The following KDM4C variants were observed in gnomAD, a reference collection of about 807,000 sequenced individuals.
The protein encoded by KDM4C is lysine-specific demethylase 4C.
Under a neutral mutation model 129.3 loss-of-function variants are expected in KDM4C, and 81 were observed. That is an observed-to-expected ratio of 0.63 (90% CI 0.52 to 0.75). The LOEUF is 0.75. Among genes scored for constraint, KDM4C ranks in the 30% least tolerant of loss-of-function variants. KDM4C has a pLI of 0.00. For missense variants in KDM4C, 1,457 were observed against 1,304.0 expected (o/e 1.12, Z -1.81); for synonymous variants, 573 against 456.1 (o/e 1.26, Z -3.26).
intron 2 of KDM4C, among the ~76,000 whole-genome samples, chr9:6,800,501 T>G (rs1828730012): frequency 6.6e-6 from 1 of 152,054 alleles, no homozygotes; most frequent in Admixed American, 6.5e-5. Context: ...ATCATGCCAC[T>G]ATATTCAAGC....
intron 1 of KDM4C, among the ~76,000 whole-genome samples, chr9:6,725,714 T>TTC (rs1227773986): frequency 3.5e-5 from 5 of 144,714 alleles, no homozygotes; most frequent in Non-Finnish European, 6.1e-5. Context: ...TTCTTTTCTT[T>TTC]TTTTTTTTTT....
At chr9:6,999,335 A>G (rs542927760) in intron 12 of KDM4C, among the ~76,000 whole-genome samples, 1 of 139,614 alleles carries the variant, frequency 7.2e-6, no homozygotes, top group South Asian at 2.9e-4. Flanking sequence ...CAGAAATTAC[A>G]AATTTTTTTA....
intron 19 of KDM4C, among the ~76,000 whole-genome samples, chr9:7,139,847 C>G (rs1371907973): frequency 6.6e-6 from 1 of 152,002 alleles, no homozygotes; most frequent in Non-Finnish European, 1.5e-5. Context: ...CCTCAGAAGA[C>G]AATAATTTGA....
chr9:7,142,863 G>A (rs942092555), intron 19 of KDM4C, among the ~76,000 whole-genome samples: 5 of 152,094 alleles, frequency 3.3e-5, no homozygotes, highest in Admixed American at 2.0e-4. Context: ...CTGTGTGTGT[G>A]TGTGTGTGTG....
intron 7 of KDM4C, among the ~76,000 whole-genome samples, chr9:6,890,528 C>G (rs1424063968): frequency 6.6e-6 from 1 of 152,128 alleles, no homozygotes; most frequent in East Asian, 1.9e-4. Flanking sequence ...TATATCCACT[C>G]TCTTCTCTAG....
chr9:6,834,679 C>A (rs1835534756), intron 4 of KDM4C: 1 of 826,994 alleles, frequency 1.2e-6, no homozygotes. Flanking sequence ...AGCATGGCAT[C>A]ATTACCAACT....
chr9:7,169,339 T>G (rs1844723906), intron 20 of KDM4C, among the ~76,000 whole-genome samples: 1 of 152,214 alleles, frequency 6.6e-6, no homozygotes, highest in African/African-American at 2.4e-5. Flanking sequence ...AGTTTATTTA[T>G]TTATTTTTTT....
chr9:7,026,758 G>C (rs1825882705), intron 15 of KDM4C, among the ~76,000 whole-genome samples: 1 of 151,948 alleles, frequency 6.6e-6, no homozygotes, highest in East Asian at 1.9e-4. Flanking sequence ...GATCCTGTAG[G>C]TGTGCTTCAC....
chr9:6,941,860 C>G (rs1466490728), intron 8 of KDM4C: 1 of 140,896 alleles, frequency 7.1e-6, no homozygotes, highest in Non-Finnish European at 1.6e-5. Flanking sequence ...GTGTCTCTCT[C>G]TCTCTTGTGT....
intron 19 of KDM4C, among the ~76,000 whole-genome samples, chr9:7,144,269 G>A (rs941488748): frequency 2.6e-5 from 4 of 151,956 alleles, no homozygotes; most frequent in African/African-American, 4.8e-5. Context: ...TACCATGCCC[G>A]GCCACTCCTC....
intron 17 of KDM4C, among the ~76,000 whole-genome samples, chr9:7,070,045 G>A (rs76717292): frequency 0.033 from 5,007 of 152,222 alleles, 264 homozygotes; most frequent in African/African-American, 0.11. Flanking sequence ...TCAAAAGCAG[G>A]CAGAACAGGG....
intron 18 of KDM4C, among the ~76,000 whole-genome samples, chr9:7,106,284 C>A (rs920931481): frequency 1.3e-5 from 2 of 152,206 alleles, no homozygotes; most frequent in Non-Finnish European, 2.9e-5. Flanking sequence ...AAATATTTCT[C>A]TTTGTGTAAA....
intron 5 of KDM4C, among the ~76,000 whole-genome samples, chr9:6,851,232 A>G (rs997006988): frequency 9.2e-5 from 14 of 151,626 alleles, no homozygotes; most frequent in Admixed American, 7.2e-4. Flanking sequence ...TGCTGCCTCA[A>G]CCTCCCAAAG....
chr9:7,086,376 G>C (rs1835117623), intron 17 of KDM4C, among the ~76,000 whole-genome samples: 1 of 152,192 alleles, frequency 6.6e-6, no homozygotes, highest in South Asian at 2.1e-4. Context: ...TTACTCTGTT[G>C]AGTAAATATG....
At chr9:7,007,259 G>A (rs1267434250) in intron 12 of KDM4C, among the ~76,000 whole-genome samples, 1 of 152,184 alleles carries the variant, frequency 6.6e-6, no homozygotes, top group African/African-American at 2.4e-5. Context: ...TAGGCTCATG[G>A]TTTTCTTGAC....
intron 8 of KDM4C, chr9:6,941,576 C>G (rs1825944884): frequency 6.6e-6 from 1 of 152,218 alleles, no homozygotes; most frequent in Admixed American, 6.5e-5. Context: ...TTTCCTCTGA[C>G]TGTTACCAGG....
chr9:6,841,689 A>G (rs532342046), intron 4 of KDM4C, among the ~76,000 whole-genome samples: 1 of 152,238 alleles, frequency 6.6e-6, no homozygotes, highest in Non-Finnish European at 1.5e-5. Flanking sequence ...CTCCGTGTTG[A>G]TATTGTAGCA....
At chr9:6,847,498 C>T (rs1045880236) in intron 4 of KDM4C, among the ~76,000 whole-genome samples, 1 of 151,982 alleles carries the variant, frequency 6.6e-6, no homozygotes, top group South Asian at 2.1e-4. Flanking sequence ...CGGGGCCGTT[C>T]TCCTGCCTCA....
chr9:6,828,288 C>T (rs1409020757), intron 4 of KDM4C, among the ~76,000 whole-genome samples: 1 of 152,046 alleles, frequency 6.6e-6, no homozygotes, highest in African/African-American at 2.4e-5. Context: ...GCTGGGACTA[C>T]AGGAGCCCAC....
Sources: allele counts gnomAD v4.1 joint callset (sites outside exome capture counted in the v4.1 genomes callset), GRCh38; gene constraint gnomAD v4.1.1; transcripts MANE v1.5; gene names NCBI Gene and HGNC (gene_info 2026-07-23, HGNC 2026-07-21).